LRRC8E: variants seen among roughly 807,000 people sequenced by gnomAD.
LRRC8E encodes the protein leucine rich repeat containing 8 VRAC subunit E.
LRRC8E carries 6 observed loss-of-function variants against 6.1 expected under a neutral mutation model. The ratio of observed to expected loss-of-function variants is 0.98; its 90% CI spans 0.54 to 1.93. The LOEUF (loss-of-function observed/expected upper bound fraction) is 1.93. Ranked by LOEUF, LRRC8E falls within the 30% of genes most tolerant of loss-of-function variation. The pLI, the probability that LRRC8E is intolerant of heterozygous loss-of-function variation, is 0.01. For synonymous variants in LRRC8E, 485 were observed against 472.8 expected (o/e 1.03, Z -0.33); for missense variants, 1,028 against 1,031.4 (o/e 1.00, Z 0.04).
chr19:7,898,026 A>G (rs1981690947), intron 2 of LRRC8E, among the ~76,000 whole-genome samples: 1 of 152,000 alleles, frequency 6.6e-6, no homozygotes, highest in Admixed American at 6.6e-5. Context: ...CCTGGCCAAC[A>G]TGGTGAAACC....
rs540034045 is a variant in LRRC8E, at chr19:7,899,083, A to G, written c.561A>G (p.Ile187Met). ...PAATERAAAT[I>M]VAMAGTGPGK... ...CCACCGAACGGGCTGCGGCCACCAT[A>G]GTGGCCATGGCAGGGACCGGGCCGG... Residue 187 changes from isoleucine (I) to methionine (M), a missense_variant, in exon 3 of 3, where the codon ATA becomes ATG. Transcript: ENST00000306708. The G allele has an allele frequency of 1.3e-5, 21 of 1,612,984 alleles. No homozygotes were observed. In the South Asian group the frequency reaches 2.3e-4, roughly 18 times the overall value.
At position 7,899,161 on chromosome 19, in the gene LRRC8E, G is replaced by A; in HGVS notation, c.639G>A (p.Val213=). The part of the protein sequence containing the change: ...KEKVLAEPEK[V]VTEPPVVTLL... ...AAGTGCTGGCGGAACCGGAGAAGGT[G>A]GTGACCGAGCCTCCAGTTGTCACCC... Residue 213 remains valine (V), a synonymous_variant, in exon 3 of 3, where the codon GTG becomes GTA. Coordinates refer to ENST00000306708, the MANE Select transcript of LRRC8E (RefSeq NM_025061.6). 6.2e-7 allele frequency: 1 copy of A among 1,613,994 alleles called. No homozygotes were observed.
At position 7,899,129 on chromosome 19, in the gene LRRC8E, A is replaced by G; in HGVS notation, c.607A>G (p.Lys203Glu). The change falls in exon 3 of 3, where the codon AAG becomes GAG. Residue 203 changes from lysine (K) to glutamate (E), a missense_variant. By Grantham distance (56) the Lys-to-Glu change is moderately conservative. Coordinates refer to ENST00000306708, the MANE Select transcript of LRRC8E (RefSeq NM_025061.6). ...GCCGGGGAAGGCAGGGGAGGGTGAG[A>G]AGGAGAAAGTGCTGGCGGAACCGGA... The part of the protein sequence containing the change: ...TGPGKAGEGE[K>E]EKVLAEPEKV... 1.2e-6 allele frequency: 2 copies of G among 1,613,176 alleles called. No individual in the cohort carries two copies. The highest frequency in any genetic ancestry group is 8.5e-7 in the Non-Finnish European group (1 of 1,179,342).
At chr19:7,896,002 A>T (rs1194601102) in intron 2 of LRRC8E, among the ~76,000 whole-genome samples, 1 of 152,098 alleles carries the variant, frequency 6.6e-6, no homozygotes, top group East Asian at 1.9e-4. Flanking sequence ...CAGTGGCATG[A>T]TCTCAGCTCC....
At chr19:7,894,963 G>A (rs191790794) in intron 1 of LRRC8E, among the ~76,000 whole-genome samples, 32 of 152,372 alleles carry the variant, frequency 2.1e-4, no homozygotes, top group African/African-American at 7.7e-4. Context: ...AAACTCAGGT[G>A]TCCTGGTCAC....
Position 7,899,131 on chromosome 19 carries a change from G to C in LRRC8E, c.609G>C (p.Lys203Asn), listed in dbSNP as rs766544237. 2 of 1,613,584 alleles carry C rather than the reference G, an allele frequency of 1.2e-6. No individual in the cohort carries two copies. Among genetic ancestry groups the C allele is most frequent in the Non-Finnish European group, 8.5e-7 (1 of 1,179,634 alleles). Residue 203 changes from lysine to asparagine, a missense_variant, in exon 3 of 3, where the codon AAG becomes AAC. Transcript: ENST00000306708. ...CGGGGAAGGCAGGGGAGGGTGAGAA[G>C]GAGAAAGTGCTGGCGGAACCGGAGA... ...TGPGKAGEGE[K>N]EKVLAEPEKV...
rs1009452429 is a variant in LRRC8E, at chr19:7,901,748, G to C, written c.*835G>C. Reference sequence around the variant, plus strand: ...AAAAAATAGGGTATCCAAATATCTAGATTCTGATCCCTTTTGAGGTCCTAG... The same window carrying C: ...AAAAAATAGGGTATCCAAATATCTACATTCTGATCCCTTTTGAGGTCCTAG... On this transcript the variant is annotated 3_prime_UTR_variant, in exon 3 of 3. Coordinates refer to ENST00000306708, the MANE Select transcript of LRRC8E (RefSeq NM_025061.6). The C allele has an allele frequency of 2.6e-5, 4 of 151,098 alleles. No individual in the cohort carries two copies. The highest frequency in any genetic ancestry group is 4.4e-5 in the Non-Finnish European group (3 of 67,946). 9.4% of individuals were successfully genotyped at this position (151,098 alleles called of 1,614,324 possible).
At position 7,901,074 on chromosome 19, in the gene LRRC8E, G is replaced by A; in HGVS notation, c.*161G>A. The A allele has an allele frequency of 3.3e-6, 2 of 603,698 alleles. No homozygotes were observed. Among genetic ancestry groups the A allele is most frequent in the Admixed American group, 3.4e-5 (1 of 29,472 alleles). 37.4% of individuals were successfully genotyped at this position (603,698 alleles called of 1,614,324 possible). Reference sequence around the variant, plus strand: ...TCTGGGGCCCAGGAGGATCTGGGCTGGTTTGTCTGGGGAGACAGACAGGAT... The same window carrying A: ...TCTGGGGCCCAGGAGGATCTGGGCTAGTTTGTCTGGGGAGACAGACAGGAT... On this transcript the variant is annotated 3_prime_UTR_variant, in exon 3 of 3. Transcript: ENST00000306708.
rs764336589 is a variant in LRRC8E at position 7,899,768 on chromosome 19, G to A, written c.1246G>A (p.Ala416Thr). 8.3e-5 allele frequency: 134 copies of A among 1,610,696 alleles called. No individual in the cohort carries two copies. The highest frequency in any genetic ancestry group is 4.9e-4 in the Middle Eastern group (3 of 6,084). ...KLRQKLQRNA[A>T]GRLELALCML... ...TCGACAGAAGCTGCAGCGCAATGCC[G>A]CGGGCCGGCTGGAGCTGGCCCTCTG... Residue 416 changes from alanine (A) to threonine (T), a missense_variant, in exon 3 of 3, where the codon GCG becomes ACG. Physicochemically the swap from Ala to Thr is moderately conservative, Grantham distance 58. Coordinates refer to ENST00000306708, the MANE Select transcript of LRRC8E (RefSeq NM_025061.6).
chr19:7,893,434 G>A (rs1354184556), intron 1 of LRRC8E, among the ~76,000 whole-genome samples: 1 of 152,032 alleles, frequency 6.6e-6, no homozygotes, highest in East Asian at 1.9e-4. Context: ...AGGGCAGGGA[G>A]TGTGAATGAG....
chr19:7,890,346 C>G (rs1164273617), intron 1 of LRRC8E, among the ~76,000 whole-genome samples: 2 of 152,160 alleles, frequency 1.3e-5, no homozygotes, highest in Non-Finnish European at 2.9e-5. Context: ...TGCCACAATG[C>G]AACACCGCTC....
chr19:7,896,858 G>A (rs965290981), intron 2 of LRRC8E, among the ~76,000 whole-genome samples: 5 of 152,060 alleles, frequency 3.3e-5, no homozygotes, highest in African/African-American at 1.2e-4. Context: ...GCCTCCCAAA[G>A]TGCTGGGATT....
Position 7,899,599 on chromosome 19 carries a change from C to T in LRRC8E, c.1077C>T (p.Val359=), listed in dbSNP as rs757280625. 5.0e-6 allele frequency: 8 copies of T among 1,613,814 alleles called. 1 individual carries two copies. In the South Asian group the frequency reaches 7.7e-5, roughly 16 times the overall value. The change falls in exon 3 of 3, where the codon GTC becomes GTT. Residue 359 remains valine (V), a synonymous_variant. Transcript: ENST00000306708. ...CTGGCATGGGGGACATTCCTGACGT[C>T]AAGAATGACTTCGCCTTCATGCTGC... ...EETGMGDIPD[V]KNDFAFMLHL... is the part of the protein sequence containing the mutation.
At position 7,895,291 on chromosome 19, in the gene LRRC8E, A is replaced by G; in HGVS notation, c.-5-308A>G. The G allele has an allele frequency of 3.6e-6, 1 of 277,558 alleles. No homozygotes were observed. The highest frequency in any genetic ancestry group is 8.5e-5 in the South Asian group (1 of 11,734). 17.2% of individuals were successfully genotyped at this position (277,558 alleles called of 1,614,324 possible). A position where few individuals can be genotyped will look rare whatever the true frequency, so the allele number is the denominator to read the frequency against. On this transcript the variant is annotated intron_variant, in intron 1 of 2. Transcript: ENST00000306708. The surrounding 1 kb of genome is among the most constrained non-coding windows in gnomAD (Gnocchi z 4.7). ...GTTTTGGGGAGGGGGCCACCCGAGG[A>G]GGCTGGAGGGCGGCGGCCCTGTGGA...
chr19:7,892,501 C>A (rs1326074918), intron 1 of LRRC8E, among the ~76,000 whole-genome samples: 1 of 152,150 alleles, frequency 6.6e-6, no homozygotes, highest in Non-Finnish European at 1.5e-5. Flanking sequence ...AGCCACTGCA[C>A]CCAGCCTGGG....
chr19:7,890,779 ACT>A (rs1423187579), intron 1 of LRRC8E, among the ~76,000 whole-genome samples: 3 of 149,710 alleles, frequency 2.0e-5, no homozygotes, highest in Non-Finnish European at 4.4e-5. Flanking sequence ...ACAGAGTGAG[ACT>A]CTGTCTCAAA....
chr19:7,890,068 A>AAG (rs1162159197), intron 1 of LRRC8E, among the ~76,000 whole-genome samples: 5 of 151,942 alleles, frequency 3.3e-5, no homozygotes, highest in African/African-American at 1.2e-4. Flanking sequence ...AAAAAAAAAA[A>AAG]AAGGTTGGGC....
At chr19:7,893,484 G>T (rs1981421094) in intron 1 of LRRC8E, 1 of 152,062 alleles carries the variant, frequency 6.6e-6, no homozygotes, top group Non-Finnish European at 1.5e-5. Flanking sequence ...CCTGTGCTCT[G>T]GGCACCCCCT....
chr19:7,890,589 ACCAT>A (rs1981251004), intron 1 of LRRC8E, among the ~76,000 whole-genome samples: 1 of 151,930 alleles, frequency 6.6e-6, no homozygotes, highest in African/African-American at 2.4e-5. Context: ...GGAGATTGAG[ACCAT>A]CCTGGCTAAT....
Sources: allele counts gnomAD v4.1 joint callset (sites outside exome capture counted in the v4.1 genomes callset), GRCh38; gene constraint gnomAD v4.1.1; non-coding constraint Gnocchi (gnomAD v3.1); transcripts MANE v1.5; gene names NCBI Gene and HGNC (gene_info 2026-07-23, HGNC 2026-07-21).